PAXIP1: variants seen among roughly 807,000 people sequenced by gnomAD.
PAXIP1 encodes PAX-interacting protein 1.
Under a neutral mutation model 140.6 loss-of-function variants are expected in PAXIP1, and 19 were observed. The observed-to-expected ratio is 0.14, with a 90% CI of 0.09 to 0.20. The LOEUF is 0.20. Ranked by LOEUF, PAXIP1 falls within the 10% of genes least tolerant of loss-of-function variation. The pLI is 1.00. For synonymous variants in PAXIP1, 442 were observed against 444.6 expected (o/e 0.99, Z 0.07); for missense variants, 920 against 1,208.6 (o/e 0.76, Z 3.54).
intron 4 of PAXIP1, among the ~76,000 whole-genome samples, chr7:154,984,056 C>T (rs534823473): frequency 3.9e-4 from 59 of 152,240 alleles, no homozygotes; most frequent in African/African-American, 1.2e-3. Context: ...CCCTTCCAAC[C>T]GCCATGTGAA....
intron 16 of PAXIP1, among the ~76,000 whole-genome samples, chr7:154,953,278 A>G (rs190813357): frequency 7.2e-5 from 11 of 152,284 alleles, no homozygotes; most frequent in African/African-American, 2.6e-4. Flanking sequence ...GGCATAGGTG[A>G]GAAAGTGCGA....
Position 154,969,008 on chromosome 7 carries a change from G to A in PAXIP1, c.1193C>T (p.Thr398Ile). The A allele has an allele frequency of 6.4e-7, 1 of 1,550,792 alleles. No individual in the cohort carries two copies. Among genetic ancestry groups the A allele is most frequent in the Non-Finnish European group, 8.7e-7 (1 of 1,146,612 alleles). The change falls in exon 7 of 21, where the codon ACA becomes ATA. Residue 398 changes from threonine to isoleucine, a missense_variant. Transcript: ENST00000404141. ...CTGCTGCTGCTGCTGTAGCATGTGT[G>A]TCTCTGGAGTCACTTTCACTTGGCT... ...LFSQVKVTPE[T>I]HMLQQQQQAQ...
chr7:154,959,872 G>A lies in PAXIP1; in HGVS notation c.2478+18C>T, dbSNP rs778014356. 3.2e-6 allele frequency: 5 copies of A among 1,549,064 alleles called. No homozygotes were observed. In the Admixed American group the frequency reaches 8.4e-5, roughly 26 times the overall value. On this transcript the variant is annotated intron_variant, in intron 13 of 20. Coordinates refer to ENST00000404141, the MANE Select transcript of PAXIP1 (RefSeq NM_007349.4). The stretch of plus-strand genomic sequence containing the variant: ...ATAATACAGTAATAGCCAAGGTAAG[G>A]TTATTAATTTGACATACCATCAACA...
At chr7:154,945,489 T>C in intron 20 of PAXIP1, 3 of 983,766 alleles carry the variant, frequency 3.0e-6, no homozygotes, top group Non-Finnish European at 3.6e-6. Context: ...TCGGCAAGGA[T>C]GGGTATCATT....
Position 154,961,589 on chromosome 7 carries a change from A to G in PAXIP1, c.2187T>C (p.Tyr729=), listed in dbSNP as rs1282366167. 6.2e-7 allele frequency: 1 copy of G among 1,606,562 alleles called. No individual in the cohort carries two copies. The highest frequency in any genetic ancestry group is 1.1e-5 in the South Asian group (1 of 89,558). The change falls in exon 11 of 21, where the codon TAT becomes TAC. Residue 729 remains tyrosine, a synonymous_variant. Coordinates refer to ENST00000404141, the MANE Select transcript of PAXIP1 (RefSeq NM_007349.4). ...AACCCGTATATTTGGCACCTGCCAA[A>G]TAAGCCATTAATTTTAGGTCATCTC... ...SDRDDLKLMA[Y]LAGAKYTGYL...
chr7:154,954,172 T>C lies in PAXIP1; in HGVS notation c.2821+83A>G. ...ATCACATAGTTTAAAAATTAAATAT[T>C]TGTTGGGATGAAAAGAGATGAATTC... is the stretch of plus-strand genomic sequence containing the variant. On this transcript the variant is annotated intron_variant, in intron 16 of 20. Transcript: ENST00000404141. The surrounding 1 kb of genome is among the most constrained non-coding windows in gnomAD (Gnocchi z 5.1). 2 of 950,466 alleles carry C rather than the reference T, an allele frequency of 2.1e-6. No individual in the cohort carries two copies. The highest frequency in any genetic ancestry group is 3.0e-6 in the Non-Finnish European group (2 of 677,364). 58.9% of individuals were successfully genotyped at this position (950,466 alleles called of 1,614,324 possible).
chr7:154,968,599 C>CTGCTGAATCTGCTGT lies in PAXIP1; in HGVS notation c.1587_1601dup (p.Ile532_Gln536dup). 1 of 716,324 alleles carries CTGCTGAATCTGCTGT rather than the reference C, an allele frequency of 1.4e-6. No individual in the cohort carries two copies. The highest frequency in any genetic ancestry group is 2.6e-6 in the Non-Finnish European group (1 of 385,556). The allele number at this position is 716,324 out of a possible 1,614,324, so 44.4% of individuals were successfully genotyped here. On this transcript the variant is annotated inframe_insertion, in exon 7 of 21. Coordinates refer to ENST00000404141, the MANE Select transcript of PAXIP1 (RefSeq NM_007349.4). Reference sequence around the variant, plus strand: ...GCTGGTGCATGCGCTGGAGCTGCTGCTGCTGAATCTGCTGTTGCTGCTGCT... The same window carrying CTGCTGAATCTGCTGT: ...GCTGGTGCATGCGCTGGAGCTGCTGCTGCTGAATCTGCTGTTGCTGAATCTGCTGTTGCTGCTGCT...
intron 6 of PAXIP1, 98 bp downstream of exon 6, chr7:154,975,598 G>GA (rs1809534861): frequency 1.2e-5 from 9 of 746,742 alleles, no homozygotes; most frequent in Non-Finnish European, 1.7e-5. Context: ...TAAGTTATTT[G>GA]GTCTGAAAAA....
rs35027196 is a variant in PAXIP1, at chr7:154,957,973, C to CAAA, written c.2479-682_2479-680dup. On this transcript the variant is annotated intron_variant, in intron 13 of 20. Transcript: ENST00000404141. ...TGGGCGACAGAGCGAGACTCCGTCT[C>CAAA]AAAAAAAAAAAAAAAAAAAAGAATG... Among the ~76,000 whole-genome samples the CAAA allele has an allele frequency of 4.6e-3, 417 of 91,364 alleles. 7 individuals carry two copies. Among genetic ancestry groups the CAAA allele is most frequent in the African/African-American group, 0.014 (325 of 22,504 alleles). 59.9% of individuals were successfully genotyped at this position (91,364 alleles called of 152,430 possible).
chr7:154,960,379 AAG>A (rs1275192097), intron 12 of PAXIP1, among the ~76,000 whole-genome samples: 1 of 152,228 alleles, frequency 6.6e-6, no homozygotes, highest in East Asian at 1.9e-4. Context: ...AATAGTGACA[AAG>A]AGGACAGACG....
Position 155,002,716 on chromosome 7 carries a change from G to A in PAXIP1, c.81+133C>T, listed in dbSNP as rs1217795327. ...GTCGCCCCTGCCCTCAGCGCAGTCA[G>A]GCCAGCGGCCTCGGCGGACCCGACG... On this transcript the variant is annotated intron_variant, in intron 1 of 20. Coordinates refer to ENST00000404141, the MANE Select transcript of PAXIP1 (RefSeq NM_007349.4). 1.8e-5 allele frequency: 7 copies of A among 396,778 alleles called. No individual in the cohort carries two copies. In the East Asian group the frequency reaches 3.9e-4, roughly 22 times the overall value. 24.6% of individuals were successfully genotyped at this position (396,778 alleles called of 1,614,324 possible). A position where few individuals can be genotyped will look rare whatever the true frequency, so the allele number is the denominator to read the frequency against.
At chr7:154,980,237 CAAGT>C (rs1285884425) in intron 5 of PAXIP1, among the ~76,000 whole-genome samples, 1 of 151,568 alleles carries the variant, frequency 6.6e-6, no homozygotes, top group African/African-American at 2.4e-5. Context: ...CAAAAATTTA[CAAGT>C]TAGTCAGTTT....
chr7:154,982,527 T>C (rs1809890723), intron 5 of PAXIP1, among the ~76,000 whole-genome samples: 1 of 152,192 alleles, frequency 6.6e-6, no homozygotes, highest in Admixed American at 6.5e-5. Flanking sequence ...ATTTTTGTAT[T>C]TTTAGTAGAG....
Position 154,963,077 on chromosome 7 carries a change from C to T in PAXIP1, c.1989+594G>A, listed in dbSNP as rs577098888. On this transcript the variant is annotated intron_variant, in intron 9 of 20. Coordinates refer to ENST00000404141, the MANE Select transcript of PAXIP1 (RefSeq NM_007349.4). The surrounding 1 kb of genome is among the most constrained non-coding windows in gnomAD (Gnocchi z 4.1). ...CTCTGTAAGGGACCTGGTCTTTACACGCTTGTGTGCAAGTCACACACCAGT... is the reference window on the plus strand; with the variant it reads ...CTCTGTAAGGGACCTGGTCTTTACATGCTTGTGTGCAAGTCACACACCAGT... 2.0e-5 allele frequency among the ~76,000 whole-genome samples: 3 copies of T among 152,184 alleles called. No homozygotes were observed. The highest frequency in any genetic ancestry group is 3.8e-4 in the East Asian group (2 of 5,198).
At chr7:154,976,725 G>GT (rs1250616694) in intron 5 of PAXIP1, among the ~76,000 whole-genome samples, 1 of 152,202 alleles carries the variant, frequency 6.6e-6, no homozygotes, top group Non-Finnish European at 1.5e-5. Context: ...AGTTAGTAAA[G>GT]TAACAGCGTG....
At chr7:154,974,568 A>G (rs543188905) in intron 6 of PAXIP1, 4 of 152,292 alleles carry the variant, frequency 2.6e-5, no homozygotes, top group African/African-American at 9.6e-5. Flanking sequence ...CTTGTCATTC[A>G]ACCCTGATCT....
chr7:154,983,422 TG>T, intron 4 of PAXIP1, 90 bp from the exon 5 acceptor site: 1 of 659,138 alleles, frequency 1.5e-6, no homozygotes, highest in Non-Finnish European at 2.7e-6. Flanking sequence ...GCAACAATTC[TG>T]TTTCTCCCTT....
Position 154,960,982 on chromosome 7 carries a change from G to T in PAXIP1, c.2345C>A (p.Ala782Glu). 1 of 1,602,898 alleles carries T rather than the reference G, an allele frequency of 6.2e-7. No individual in the cohort carries two copies. The highest frequency in any genetic ancestry group is 8.5e-7 in the Non-Finnish European group (1 of 1,174,298). ...LGDILLGNFE[A>E]LRQIQYSRYT... ...GCGACTATACTGAATCTGCCTCAGT[G>T]CCTCAAAGTTTCCCAGAAGAATGTC... Residue 782 changes from alanine to glutamate, a missense_variant, in exon 12 of 21, where the codon GCA becomes GAA. By Grantham distance (107) the Ala-to-Glu change is moderately radical. Coordinates refer to ENST00000404141, the MANE Select transcript of PAXIP1 (RefSeq NM_007349.4).
At chr7:154,944,243 C>T in intron 20 of PAXIP1, 79 bp from the exon 21 acceptor site, 1 of 1,287,584 alleles carries the variant, frequency 7.8e-7, no homozygotes, top group Non-Finnish European at 1.1e-6. Flanking sequence ...CATTCATCAT[C>T]CAGTTTCAGA....
Sources: allele counts gnomAD v4.1 joint callset (sites outside exome capture counted in the v4.1 genomes callset), GRCh38; gene constraint gnomAD v4.1.1; non-coding constraint Gnocchi (gnomAD v3.1); transcripts MANE v1.5; gene names NCBI Gene and HGNC (gene_info 2026-07-23, HGNC 2026-07-21).